The following PPP2R2A variants were observed in gnomAD, a reference collection of about 807,000 sequenced individuals.
PPP2R2A encodes the protein serine/threonine-protein phosphatase 2A 55 kDa regulatory subunit B alpha isoform.
In PPP2R2A, 9 loss-of-function variants were observed where a neutral mutation model predicts 53.2. The observed-to-expected ratio is 0.17, with a 90% confidence interval of 0.10 to 0.30. PPP2R2A has a LOEUF of 0.30. Ranked by LOEUF, PPP2R2A falls within the 10% of genes least tolerant of loss-of-function variation. The pLI, the probability that PPP2R2A is intolerant of heterozygous loss-of-function variation, is 1.00. For synonymous variants in PPP2R2A, 169 were observed against 174.2 expected (o/e 0.97, Z 0.23); for missense variants, 235 against 534.6 (o/e 0.44, Z 5.53).
chr8:26,292,331 T>G, intron 1 of PPP2R2A: 1 of 986,960 alleles, frequency 1.0e-6, no homozygotes, highest in Non-Finnish European at 1.2e-6. Context: ...GTGTATTTTT[T>G]CCCCACTGTA....
chr8:26,337,756 A>G (rs1021005604), intron 2 of PPP2R2A, among the ~76,000 whole-genome samples: 6 of 152,220 alleles, frequency 3.9e-5, no homozygotes, highest in African/African-American at 1.2e-4. Context: ...GAGCACTTAA[A>G]TATGTGCAGT....
chr8:26,342,739 C>CT (rs1384419875), intron 3 of PPP2R2A, among the ~76,000 whole-genome samples: 1 of 152,076 alleles, frequency 6.6e-6, no homozygotes, highest in African/African-American at 2.4e-5. Flanking sequence ...TACCCTCTGG[C>CT]TTTTTTTATT....
chr8:26,310,280 CA>C (rs1166591932), intron 2 of PPP2R2A, among the ~76,000 whole-genome samples: 1,262 of 27,516 alleles, frequency 0.046, 53 homozygotes, highest in African/African-American at 0.058. Context: ...GACTCCCTCT[CA>C]AAAAAAAAAA....
chr8:26,316,165 C>T (rs958430199), intron 2 of PPP2R2A, among the ~76,000 whole-genome samples: 5 of 151,998 alleles, frequency 3.3e-5, no homozygotes, highest in African/African-American at 9.7e-5. Flanking sequence ...CCACCACGCC[C>T]GGCTAATTTC....
At position 26,366,225 on chromosome 8, in the gene PPP2R2A, C is replaced by G. The variant is rs1479105866; in HGVS notation, c.973-90C>G. ...AGGTTTAAAAGGTGTGTGTATGTGT[C>G]TGTATATGCCCTTTTTTTCTTTTTA... On this transcript the variant is annotated intron_variant, in intron 8 of 9. Transcript: ENST00000380737. 3 of 940,858 alleles carry G rather than the reference C, an allele frequency of 3.2e-6. No individual in the cohort carries two copies. The African/African-American group carries it at 5.1e-5, about 16-fold the overall frequency. The allele number at this position is 940,858 out of a possible 1,614,324, so 58.3% of individuals were successfully genotyped here.
At chr8:26,350,290 C>T (rs936999429) in intron 3 of PPP2R2A, among the ~76,000 whole-genome samples, 6 of 152,008 alleles carry the variant, frequency 3.9e-5, no homozygotes, top group African/African-American at 1.2e-4. Context: ...GTCTCGAACT[C>T]GACCTCAGGT....
In PPP2R2A at chr8:26,342,071, A is replaced by G. The variant is rs116933313; in HGVS notation, c.180+3084A>G. ...GTATGTTTCAGACTGATAATTGTTT[A>G]ATATTTTTAGCTGTCATTTAATAGC... On this transcript the variant is annotated intron_variant, in intron 3 of 9. Coordinates refer to ENST00000380737, the MANE Select transcript of PPP2R2A (RefSeq NM_002717.4). Among the ~76,000 whole-genome samples the G allele has an allele frequency of 1.4e-4, 22 of 152,314 alleles. 1 individual carries two copies. In the East Asian group the frequency reaches 4.2e-3, roughly 29 times the overall value.
intron 9 of PPP2R2A, 145 bp from the exon 10 acceptor site, chr8:26,369,989 T>TG (rs1805590899): frequency 1.4e-6 from 1 of 740,720 alleles, no homozygotes. Context: ...TTTATTCTAG[T>TG]GATTGAGTTG....
intron 2 of PPP2R2A, among the ~76,000 whole-genome samples, chr8:26,319,610 A>C (rs1408884934): frequency 1.3e-5 from 2 of 152,114 alleles, no homozygotes; most frequent in African/African-American, 2.4e-5. Context: ...TGTTTTGAAA[A>C]GACTGTACTT....
In PPP2R2A at chr8:26,350,071, G is replaced by GT. The variant is rs200889342; in HGVS notation, c.181-4388dup. On this transcript the variant is annotated intron_variant, in intron 3 of 9. Transcript: ENST00000380737. ...TTAAGTTTGTATTTACTGTTTGTTTGTTTTTTTTTGAGACGAAGTCTTCTT... is the reference window on the plus strand; with the variant it reads ...TTAAGTTTGTATTTACTGTTTGTTTGTTTTTTTTTTGAGACGAAGTCTTCTT... Among the ~76,000 whole-genome samples, 442 of 150,736 alleles carry GT rather than the reference G, an allele frequency of 2.9e-3. 3 individuals carry two copies. Among genetic ancestry groups the GT allele is most frequent in the Non-Finnish European group, 4.1e-3 (280 of 67,482 alleles).
chr8:26,319,584 G>A (rs929902077), intron 2 of PPP2R2A, among the ~76,000 whole-genome samples: 5 of 151,938 alleles, frequency 3.3e-5, no homozygotes, highest in Non-Finnish European at 7.4e-5. Context: ...TGGATATCCA[G>A]TTTTCCTAAC....
intron 3 of PPP2R2A, among the ~76,000 whole-genome samples, chr8:26,350,361 C>A (rs1804431303): frequency 6.6e-6 from 1 of 152,138 alleles, no homozygotes; most frequent in Non-Finnish European, 1.5e-5. Flanking sequence ...TCACGTCCGG[C>A]CTTGTACTTA....
chr8:26,369,330 G>GCACC (rs1805546881), intron 9 of PPP2R2A, among the ~76,000 whole-genome samples: 1 of 150,268 alleles, frequency 6.7e-6, no homozygotes. Context: ...GGGTTCAAGG[G>GCACC]ATTCTCCTGC....
intron 2 of PPP2R2A, among the ~76,000 whole-genome samples, chr8:26,316,319 T>G (rs937161287): frequency 6.6e-6 from 1 of 152,170 alleles, no homozygotes; most frequent in Non-Finnish European, 1.5e-5. Flanking sequence ...GTGTACTGTT[T>G]TTAATGGCCT....
chr8:26,359,480 T>A lies in PPP2R2A; in HGVS notation c.347-689T>A, dbSNP rs1378155505. 2.0e-5 allele frequency among the ~76,000 whole-genome samples: 3 copies of A among 152,336 alleles called. No homozygotes were observed. In the East Asian group the frequency reaches 5.8e-4, roughly 29 times the overall value. On this transcript the variant is annotated intron_variant, in intron 4 of 9. Coordinates refer to ENST00000380737, the MANE Select transcript of PPP2R2A (RefSeq NM_002717.4). ...CAATTCTTGTAACTTTCTGTAAATC[T>A]AAACTTAATTGTAAAACAAAAGTTT...
At chr8:26,297,475 C>G (rs921716773) in intron 2 of PPP2R2A, among the ~76,000 whole-genome samples, 5 of 152,014 alleles carry the variant, frequency 3.3e-5, no homozygotes, top group African/African-American at 9.7e-5. Context: ...CTCTAGAGGC[C>G]TTAAATAAAA....
In PPP2R2A at chr8:26,310,969, AG is replaced by A. The variant is rs1432156805; in HGVS notation, c.82+17232del. Among the ~76,000 whole-genome samples, 3 of 152,252 alleles carry A rather than the reference AG, an allele frequency of 2.0e-5. No individual in the cohort carries two copies. The East Asian group carries it at 5.8e-4, about 29-fold the overall frequency. ...ATACATTGTAGTGGAGGAATGTTGGAGGGAAGCTCAAAGAAATAATTTGGGT... is the reference window on the plus strand; with the variant it reads ...ATACATTGTAGTGGAGGAATGTTGGAGGAAGCTCAAAGAAATAATTTGGGT... On this transcript the variant is annotated intron_variant, in intron 2 of 9. Transcript: ENST00000380737.
intron 3 of PPP2R2A, among the ~76,000 whole-genome samples, chr8:26,348,927 T>C (rs1016231692): frequency 9.9e-5 from 15 of 152,226 alleles, no homozygotes; most frequent in African/African-American, 3.6e-4. Context: ...CATATCACTT[T>C]GTAATGTTTA....
intron 2 of PPP2R2A, among the ~76,000 whole-genome samples, chr8:26,303,698 A>G (rs1347815960): frequency 2.6e-5 from 4 of 152,122 alleles, no homozygotes; most frequent in South Asian, 2.1e-4. Flanking sequence ...TTGAATGCCA[A>G]AGTTTGTAGA....
Sources: gnomAD v4.1 joint callset for allele counts (sites outside exome capture counted in the v4.1 genomes callset) on GRCh38, gnomAD v4.1.1 for gene constraint, MANE v1.5 for transcripts, NCBI Gene and HGNC (gene_info 2026-07-23, HGNC 2026-07-21) for gene names.